Variants in ZMIZ2 observed in about 807,000 individuals in gnomAD.
ZMIZ2 encodes zinc finger MIZ-type containing 2.
ZMIZ2 carries 26 observed loss-of-function variants against 93.9 expected under a neutral mutation model. The ratio of observed to expected loss-of-function variants is 0.28; its 90% CI spans 0.20 to 0.38. ZMIZ2 has a LOEUF of 0.38. Ranked by LOEUF, ZMIZ2 falls within the 10% of genes least tolerant of loss-of-function variation. The probability of loss-of-function intolerance (pLI) is 1.00; values close to 1 mark genes in which losing one functional copy is unlikely to be tolerated. For missense variants in ZMIZ2, 1,023 were observed against 1,235.0 expected, an observed-to-expected ratio of 0.83 and a Z score of 2.57; for synonymous variants, 485 against 516.4, an observed-to-expected ratio of 0.94 and a Z score of 0.82.
intron 6 of ZMIZ2, 66 bp from the exon 7 acceptor site, chr7:44,759,215 C>A: frequency 7.2e-7 from 1 of 1,395,146 alleles, no homozygotes; most frequent in Non-Finnish European, 9.5e-7. Context: ...TGAGACTCTA[C>A]TTCCTTCTGG....
In ZMIZ2 at chr7:44,757,103, G is replaced by C. The variant is rs756876987; in HGVS notation, c.322G>C (p.Val108Leu). The C allele has an allele frequency of 5.6e-6, 9 of 1,602,974 alleles. No individual in the cohort carries two copies. The highest frequency in any genetic ancestry group is 1.7e-4 in the Middle Eastern group (1 of 5,946). ...CAACAAGGGCTACGTGCAGCAAGGCGTGTACAGCCGCGGGGGCTACCCTGG... is the reference window on the plus strand; with the variant it reads ...CAACAAGGGCTACGTGCAGCAAGGCCTGTACAGCCGCGGGGGCTACCCTGG... Reference protein sequence around the residue: ...GANKGYVQQGVYSRGGYPGAP... With the variant: ...GANKGYVQQGLYSRGGYPGAP... The change falls in exon 4 of 19, where the codon GTG (valine) becomes CTG (leucine). Residue 108 changes from valine to leucine, a missense_variant. Physicochemically the swap from Val to Leu is conservative, Grantham distance 32. This residue lies in a region of ZMIZ2 where 656 missense variants were observed against 777.1 expected (regional missense o/e 0.84). Coordinates refer to ENST00000309315, the MANE Select transcript of ZMIZ2 (RefSeq NM_031449.4).
chr7:44,764,413 C>G lies in ZMIZ2; in HGVS notation c.1861-6C>G. 1 of 1,614,186 alleles carries G rather than the reference C, an allele frequency of 6.2e-7. No individual in the cohort carries two copies. Among genetic ancestry groups the G allele is most frequent in the Non-Finnish European group, 8.5e-7 (1 of 1,179,996 alleles). ...AGAAACTGACTTTCTTCCCATCTCT[C>G]TACAGTGCTTTGACCTGGAGTCGTA... is the stretch of plus-strand genomic sequence containing the variant. On this transcript the variant is annotated splice_region_variant and splice_polypyrimidine_tract_variant and intron_variant, in intron 13 of 18. Coordinates refer to ENST00000309315, the MANE Select transcript of ZMIZ2 (RefSeq NM_031449.4).
At position 44,769,775 on chromosome 7, in the gene ZMIZ2, A is replaced by G. The variant is rs1304026366; in HGVS notation, c.*2152A>G. 2 of 152,318 alleles carry G rather than the reference A, an allele frequency of 1.3e-5. No homozygotes were observed. Among genetic ancestry groups the G allele is most frequent in the African/African-American group, 2.4e-5 (1 of 41,476 alleles). The allele number at this position is 152,318 out of a possible 1,614,324, so 9.4% of individuals were successfully genotyped here. The stretch of plus-strand genomic sequence containing the variant: ...AGAAATGATTGAGGAATGCATGGGC[A>G]CCGTGGCCCTGTGCTCCATCACAAA... On this transcript the variant is annotated 3_prime_UTR_variant, in exon 19 of 19. Coordinates refer to ENST00000309315, the MANE Select transcript of ZMIZ2 (RefSeq NM_031449.4).
At chr7:44,754,644 A>G (rs1173204751) in intron 1 of ZMIZ2, among the ~76,000 whole-genome samples, 4 of 152,196 alleles carry the variant, frequency 2.6e-5, no homozygotes, top group Non-Finnish European at 5.9e-5. Context: ...CTCGGTCAGC[A>G]CAAGAAATGG....
rs776092065 is a variant in ZMIZ2 at position 44,761,962 on chromosome 7, C to A, written c.1596+57C>A. ...TGGCGTGGGGCGGGGTGTGGTGGGG[C>A]CTGGCCCAGCGGTGCCGTGGGGTGG... On this transcript the variant is annotated intron_variant, in intron 11 of 18. Coordinates refer to ENST00000309315, the MANE Select transcript of ZMIZ2 (RefSeq NM_031449.4). This position sits in a 1 kb window ranked among gnomAD's most constrained non-coding sequence, Gnocchi z 5.8. 5 of 1,381,922 alleles carry A rather than the reference C, an allele frequency of 3.6e-6. No individual in the cohort carries two copies. In the African/African-American group the frequency reaches 7.2e-5, roughly 20 times the overall value. The allele number at this position is 1,381,922 out of a possible 1,614,324, so 85.6% of individuals were successfully genotyped here. A position where few individuals can be genotyped will look rare whatever the true frequency, so the allele number is the denominator to read the frequency against.
At chr7:44,750,356 A>G (rs1004566127) in intron 1 of ZMIZ2, among the ~76,000 whole-genome samples, 1 of 152,200 alleles carries the variant, frequency 6.6e-6, no homozygotes, top group African/African-American at 2.4e-5. Flanking sequence ...CCTTACAGGT[A>G]GAGGGGGCAG....
At chr7:44,757,645 G>A (rs1790726210) in intron 5 of ZMIZ2, 84 bp downstream of exon 5, 3 of 1,486,270 alleles carry the variant, frequency 2.0e-6, no homozygotes, top group Non-Finnish European at 1.8e-6. Flanking sequence ...TGGGCTCCAG[G>A]GACAAGCATG....
chr7:44,759,400 C>T lies in ZMIZ2; in HGVS notation c.933C>T (p.Pro311=), dbSNP rs1317187335. 1 of 1,603,784 alleles carries T rather than the reference C, an allele frequency of 6.2e-7. No homozygotes were observed. Among genetic ancestry groups the T allele is most frequent in the South Asian group, 1.1e-5 (1 of 89,772 alleles). Residue 311 remains proline, a synonymous_variant, in exon 7 of 19, where the codon CCC becomes CCT. Coordinates refer to ENST00000309315, the MANE Select transcript of ZMIZ2 (RefSeq NM_031449.4). ...PSPSYPGHRL[P]LQQGMTQSLS... The stretch of plus-strand genomic sequence containing the variant: ...CTTCCTACCCTGGGCACAGGCTGCC[C>T]CTGCAGCAGGGCATGACCCAGTCCC...
At chr7:44,753,335 T>C (rs749277447) in intron 1 of ZMIZ2, among the ~76,000 whole-genome samples, 15 of 152,022 alleles carry the variant, frequency 9.9e-5, no homozygotes, top group Non-Finnish European at 1.6e-4. Context: ...GCCTCCACCT[T>C]CTGGGGTCAA....
At position 44,760,394 on chromosome 7, in the gene ZMIZ2, C is replaced by T. The variant is rs888393656; in HGVS notation, c.1072-31C>T. 4 of 1,608,484 alleles carry T rather than the reference C, an allele frequency of 2.5e-6. No homozygotes were observed. In the African/African-American group the frequency reaches 5.3e-5, roughly 21 times the overall value. ...CTCCACTCCCATCCACCCTGGCAATCTGCCTTGACTGTTTGTGCTCAACCC... is the reference window on the plus strand; with the variant it reads ...CTCCACTCCCATCCACCCTGGCAATTTGCCTTGACTGTTTGTGCTCAACCC... On this transcript the variant is annotated intron_variant, in intron 8 of 18. Coordinates refer to ENST00000309315, the MANE Select transcript of ZMIZ2 (RefSeq NM_031449.4).
intron 9 of ZMIZ2, 30 bp downstream of exon 9, chr7:44,760,623 G>A (rs746777786): frequency 2.5e-6 from 4 of 1,612,428 alleles, no homozygotes; most frequent in Non-Finnish European, 8.5e-7. Flanking sequence ...GGACAGCGGG[G>A]TGACAAGGCC....
In ZMIZ2 at chr7:44,760,213, A is replaced by T. The variant is rs1791032471; in HGVS notation, c.1056A>T (p.Gln352His). 1.9e-6 allele frequency: 3 copies of T among 1,612,946 alleles called. No individual in the cohort carries two copies. The highest frequency in any genetic ancestry group is 2.5e-6 in the Non-Finnish European group (3 of 1,179,526). ...ACGGGGGCAGCGTCAGCTACAGCCAACCTGGCCTGAGTGGGGTAGGGGGCC... is the reference window on the plus strand; with the variant it reads ...ACGGGGGCAGCGTCAGCTACAGCCATCCTGGCCTGAGTGGGGTAGGGGGCC... ...SFNGGSVSYS[Q>H]PGLSGPTRSI... Residue 352 changes from glutamine to histidine, a missense_variant, in exon 8 of 19, where the codon CAA (glutamine) becomes CAT (histidine). Transcript: ENST00000309315.
At chr7:44,759,101 A>AAC (rs1554321237) in intron 6 of ZMIZ2, among the ~76,000 whole-genome samples, 180 bp from the exon 7 acceptor site, 4 of 150,442 alleles carry the variant, frequency 2.7e-5, no homozygotes, top group Non-Finnish European at 4.4e-5. Flanking sequence ...AAAAAAAAAA[A>AAC]AAAAAACAGG....
chr7:44,761,192 G>A lies in ZMIZ2; in HGVS notation c.1241-257G>A, dbSNP rs1211681783. On this transcript the variant is annotated intron_variant, in intron 9 of 18. Transcript: ENST00000309315. This position sits in a 1 kb window ranked among gnomAD's most constrained non-coding sequence, Gnocchi z 5.8. ...GACATGTTCCCCTATTATGGTTTAG[G>A]GGACACTGGGCTGGACTGCTGAGGC... Among the ~76,000 whole-genome samples the A allele has an allele frequency of 6.6e-6, 1 of 152,184 alleles. No homozygotes were observed. The highest frequency in any genetic ancestry group is 1.5e-5 in the Non-Finnish European group (1 of 68,032).
In ZMIZ2 at chr7:44,757,883, G is replaced by A; in HGVS notation, c.588G>A (p.Leu196=). The change falls in exon 6 of 19, where the codon CTG becomes CTA. Residue 196 remains leucine, a synonymous_variant. Transcript: ENST00000309315. ...GACAGTCTTTTAACAGCCAGTTTCT[G>A]CAGCATGGAGGTCCCCGGGGGCCTA... ...GAGQSFNSQF[L]QHGGPRGPSV... The A allele has an allele frequency of 6.3e-7, 1 of 1,596,076 alleles. No individual in the cohort carries two copies. Among genetic ancestry groups the A allele is most frequent in the Non-Finnish European group, 8.5e-7 (1 of 1,171,590 alleles).
chr7:44,763,138 G>A lies in ZMIZ2; in HGVS notation c.1703-118G>A. 1 of 1,487,476 alleles carries A rather than the reference G, an allele frequency of 6.7e-7. No homozygotes were observed. 92.1% of individuals were successfully genotyped at this position (1,487,476 alleles called of 1,614,324 possible). On this transcript the variant is annotated intron_variant, in intron 12 of 18. Coordinates refer to ENST00000309315, the MANE Select transcript of ZMIZ2 (RefSeq NM_031449.4). This position sits in a 1 kb window ranked among gnomAD's most constrained non-coding sequence, Gnocchi z 5.6. ...CAGTAGGGGCAGTGGTTAGTTCCAG[G>A]TGGCCCCTCAGAGCTGTCAGTGGGT...
Position 44,759,370 on chromosome 7 carries a change from C to T in ZMIZ2, c.903C>T (p.Pro301=), listed in dbSNP as rs763779209. The change falls in exon 7 of 19, where the codon CCC becomes CCT. Residue 301 remains proline, a synonymous_variant. Coordinates refer to ENST00000309315, the MANE Select transcript of ZMIZ2 (RefSeq NM_031449.4). ...FAPSPGQPPA[P]SPSYPGHRLP... ...CCAGCCCTGGGCAGCCCCCTGCCCC[C>T]TCCCCTTCCTACCCTGGGCACAGGC... 1 of 1,605,466 alleles carries T rather than the reference C, an allele frequency of 6.2e-7. No individual in the cohort carries two copies. The highest frequency in any genetic ancestry group is 8.5e-7 in the Non-Finnish European group (1 of 1,176,254).
intron 1 of ZMIZ2, among the ~76,000 whole-genome samples, chr7:44,752,316 T>C (rs1006396851): frequency 1.6e-4 from 25 of 152,050 alleles, no homozygotes; most frequent in Admixed American, 1.3e-4. Context: ...CTAATTCTTA[T>C]GTTTTTAGTA....
At chr7:44,764,829 A>G (rs1791540977) in intron 14 of ZMIZ2, 112 bp from the exon 15 acceptor site, 1 of 1,126,554 alleles carries the variant, frequency 8.9e-7, no homozygotes, top group Non-Finnish European at 1.3e-6. Context: ...GTTGCCTCAC[A>G]CAGGATTGCC....
Sources: gnomAD v4.1 joint callset for allele counts (sites outside exome capture counted in the v4.1 genomes callset) on GRCh38, gnomAD v4.1.1 for gene constraint, gnomAD v4.1.1 regional missense constraint, Gnocchi (gnomAD v3.1) non-coding constraint, MANE v1.5 for transcripts, NCBI Gene and HGNC (gene_info 2026-07-23, HGNC 2026-07-21) for gene names.